Variants in DMXL1 observed in about 807,000 individuals in gnomAD.
DMXL1 encodes the protein Dmx like 1.
Under a neutral mutation model 319.2 loss-of-function variants are expected in DMXL1, and 99 were observed. The ratio of observed to expected loss-of-function variants is 0.31; its 90% CI spans 0.26 to 0.37. DMXL1 has a LOEUF of 0.37. Ranked by LOEUF, DMXL1 falls within the 10% of genes least tolerant of loss-of-function variation. DMXL1 has a pLI of 1.00. For synonymous variants in DMXL1, 1,385 were observed against 1,235.2 expected (o/e 1.12, Z -2.54); for missense variants, 3,745 against 3,595.6 (o/e 1.04, Z -1.06).
chr5:119,207,356 C>T (rs1295256580), intron 34 of DMXL1, among the ~76,000 whole-genome samples: 1 of 151,912 alleles, frequency 6.6e-6, no homozygotes, highest in Admixed American at 6.6e-5. Flanking sequence ...AATACTGTTA[C>T]ATAGCATTTA....
intron 1 of DMXL1, among the ~76,000 whole-genome samples, chr5:119,093,051 A>G (rs1292611538): frequency 1.3e-5 from 2 of 151,932 alleles, no homozygotes; most frequent in African/African-American, 2.4e-5. Flanking sequence ...CACTTCAAGT[A>G]TTATGATTTT....
At chr5:119,095,973 A>G (rs537397582) in intron 1 of DMXL1, among the ~76,000 whole-genome samples, 51 of 152,184 alleles carry the variant, frequency 3.4e-4, no homozygotes, top group Middle Eastern at 3.2e-3. Flanking sequence ...TACCATGGAA[A>G]TAGCAGGAGA....
chr5:119,122,295 G>A (rs1303940281), intron 9 of DMXL1, among the ~76,000 whole-genome samples: 10 of 146,952 alleles, frequency 6.8e-5, no homozygotes, highest in African/African-American at 1.8e-4. Context: ...CGGACGGGGC[G>A]GCTGGCCGGG....
Position 119,237,391 on chromosome 5 carries a change from G to A in DMXL1, c.8536G>A (p.Gly2846Arg), listed in dbSNP as rs1460642327. The A allele has an allele frequency of 1.2e-6, 2 of 1,604,142 alleles. No homozygotes were observed. Among genetic ancestry groups the A allele is most frequent in the Admixed American group, 1.7e-5 (1 of 59,932 alleles). ...AAACTGGAAATGTTGTCCAGTTACT[G>A]GAAGCATGCCTAAGCCATACCTGGT... is the stretch of plus-strand genomic sequence containing the variant. ...QTNWKCCPVT[G>R]SMPKPYLTWQ... is the part of the protein sequence containing the mutation. Residue 2846 changes from glycine (G) to arginine (R), a missense_variant, in exon 40 of 44, where the codon GGA (glycine) becomes AGA (arginine). This residue lies in a region of DMXL1 where 262 missense variants were observed against 320.5 expected (regional missense o/e 0.82). Coordinates refer to ENST00000539542, the MANE Select transcript of DMXL1 (RefSeq NM_001290321.3).
intron 29 of DMXL1, among the ~76,000 whole-genome samples, chr5:119,192,111 C>T (rs1778797150): frequency 6.6e-6 from 1 of 152,150 alleles, no homozygotes; most frequent in African/African-American, 2.4e-5. Flanking sequence ...CCCCTTCCAT[C>T]CTATCCTCAC....
Position 119,098,041 on chromosome 5 carries a change from C to G in DMXL1, c.150C>G (p.Ile50Met), listed in dbSNP as rs2149781764. The change falls in exon 2 of 44, where the codon ATC becomes ATG. Residue 50 changes from isoleucine (I) to methionine (M), a missense_variant. By Grantham distance (10) the Ile-to-Met change is conservative. Coordinates refer to ENST00000539542, the MANE Select transcript of DMXL1 (RefSeq NM_001290321.3). The stretch of plus-strand genomic sequence containing the variant: ...GCGATTTTGAAAGATTACAGATAAT[C>G]CCAGGAGCTAAACATGGAAATATTC... Reference protein sequence around the residue: ...LGSDFERLQIIPGAKHGNIQV... With the variant: ...LGSDFERLQIMPGAKHGNIQV... 6.2e-7 allele frequency: 1 copy of G among 1,608,888 alleles called. No individual in the cohort carries two copies. The highest frequency in any genetic ancestry group is 2.2e-5 in the East Asian group (1 of 44,678).
intron 28 of DMXL1, among the ~76,000 whole-genome samples, chr5:119,181,984 A>G (rs1776861446): frequency 6.6e-6 from 1 of 152,198 alleles, no homozygotes; most frequent in Admixed American, 6.5e-5. Flanking sequence ...CTTTCAATAT[A>G]AAGTAACGTT....
At chr5:119,110,104 C>A in intron 4 of DMXL1, 47 bp from the exon 5 acceptor site, 2 of 1,471,760 alleles carry the variant, frequency 1.4e-6, no homozygotes, top group Middle Eastern at 2.1e-4. Context: ...TAAATTAAGT[C>A]ACTATTAAAT....
At chr5:119,209,845 C>G (rs146153991) in intron 34 of DMXL1, among the ~76,000 whole-genome samples, 13 of 152,198 alleles carry the variant, frequency 8.5e-5, no homozygotes, top group African/African-American at 2.9e-4. Flanking sequence ...TGCTTGTTTT[C>G]TTGATTCAAT....
At chr5:119,119,358 C>G (rs1270177812) in intron 8 of DMXL1, among the ~76,000 whole-genome samples, 1 of 152,066 alleles carries the variant, frequency 6.6e-6, no homozygotes, top group African/African-American at 2.4e-5. Flanking sequence ...TGTTCTTCTA[C>G]CATTTTATCT....
At position 119,167,490 on chromosome 5, in the gene DMXL1, A is replaced by G. The variant is rs1356216252; in HGVS notation, c.5137-113A>G. ...GTTTTGTTTCTTATCCTTCTTTGCT[A>G]ATTTTGGATATTTATAAGCCTTTAT... is the stretch of plus-strand genomic sequence containing the variant. On this transcript the variant is annotated intron_variant, in intron 22 of 43. Transcript: ENST00000539542. 4.7e-6 allele frequency: 4 copies of G among 851,806 alleles called. No homozygotes were observed. The African/African-American group carries it at 6.9e-5, about 15-fold the overall frequency. 52.8% of individuals were successfully genotyped at this position (851,806 alleles called of 1,614,324 possible).
chr5:119,087,360 T>C (rs2149719811), intron 1 of DMXL1, among the ~76,000 whole-genome samples: 1 of 152,284 alleles, frequency 6.6e-6, no homozygotes, highest in East Asian at 1.9e-4. Flanking sequence ...TCCTATAGAT[T>C]CTGTTATGTT....
intron 7 of DMXL1, among the ~76,000 whole-genome samples, chr5:119,118,208 T>G (rs1286540495): frequency 1.3e-5 from 2 of 152,234 alleles, no homozygotes; most frequent in Non-Finnish European, 2.9e-5. Context: ...ATTCAATTCT[T>G]GCATTTCACT....
chr5:119,193,733 T>A, intron 29 of DMXL1, 95 bp from the exon 30 acceptor site: 1 of 1,194,210 alleles, frequency 8.4e-7, no homozygotes, highest in Non-Finnish European at 1.2e-6. Flanking sequence ...TAATGAAGTA[T>A]CTGCAAATGA....
At chr5:119,184,708 A>G (rs938323935) in intron 28 of DMXL1, among the ~76,000 whole-genome samples, 3 of 152,142 alleles carry the variant, frequency 2.0e-5, no homozygotes, top group Admixed American at 1.3e-4. Context: ...ATTACTTTAT[A>G]TACCTCATAT....
At position 119,193,888 on chromosome 5, in the gene DMXL1, G is replaced by T; in HGVS notation, c.7375G>T (p.Asp2459Tyr). Residue 2459 changes from aspartate to tyrosine, a missense_variant, in exon 30 of 44, where the codon GAT becomes TAT. Around this residue, in one of 4 missense-constraint regions of DMXL1, gnomAD observed 1,382 missense variants for 1,269.5 expected, o/e 1.09. Transcript: ENST00000539542. ...TGATTCAGAGGAGAGTCTGGGAAGT[G>T]ATGATGATGACAATGATGATGATGA... ...EYDSEESLGS[D>Y]DDDNDDDDDV... The T allele has an allele frequency of 6.2e-7, 1 of 1,612,514 alleles. No homozygotes were observed. The highest frequency in any genetic ancestry group is 8.5e-7 in the Non-Finnish European group (1 of 1,179,164).
At chr5:119,239,339 A>G (rs1448390475) in intron 41 of DMXL1, among the ~76,000 whole-genome samples, 1 of 152,124 alleles carries the variant, frequency 6.6e-6, no homozygotes, top group African/African-American at 2.4e-5. Flanking sequence ...ATCAAGGCCC[A>G]CTGAGTTTGC....
intron 13 of DMXL1, among the ~76,000 whole-genome samples, chr5:119,138,007 A>G (rs1252228208): frequency 6.6e-6 from 1 of 152,196 alleles, no homozygotes; most frequent in Non-Finnish European, 1.5e-5. Context: ...CATGGAAACT[A>G]TAGAAGAGGT....
At chr5:119,104,405 G>C (rs1374709860) in intron 3 of DMXL1, 2 of 152,176 alleles carry the variant, frequency 1.3e-5, no homozygotes, top group Non-Finnish European at 2.9e-5. Flanking sequence ...TGAAGCTTTT[G>C]AACCTGAATT....
Sources: gnomAD v4.1 joint callset for allele counts (sites outside exome capture counted in the v4.1 genomes callset) on GRCh38, gnomAD v4.1.1 for gene constraint, gnomAD v4.1.1 regional missense constraint, MANE v1.5 for transcripts, NCBI Gene and HGNC (gene_info 2026-07-23, HGNC 2026-07-21) for gene names.